Variants in MGAT4C observed in about 807,000 individuals in gnomAD.
MGAT4C encodes the protein MGAT4 family member C.
MGAT4C carries 19 observed loss-of-function variants against 40.1 expected under a neutral mutation model. The ratio of observed to expected loss-of-function variants is 0.47; its 90% CI spans 0.33 to 0.70. The LOEUF is 0.70. Among genes scored for constraint, MGAT4C ranks in the 30% least tolerant of loss-of-function variants. MGAT4C has a pLI of 0.02. For missense variants in MGAT4C, 491 were observed against 563.2 expected (o/e 0.87, Z 1.30); for synonymous variants, 181 against 187.1 (o/e 0.97, Z 0.27).
intron 1 of MGAT4C, among the ~76,000 whole-genome samples, chr12:86,209,184 T>C (rs1950366646): frequency 6.6e-6 from 1 of 152,058 alleles, no homozygotes; most frequent in African/African-American, 2.4e-5. Context: ...TATCCACCAA[T>C]ATTATACAAT....
chr12:86,506,556 C>T (rs976274172), intron 2 of MGAT4C, among the ~76,000 whole-genome samples: 1 of 152,154 alleles, frequency 6.6e-6, no homozygotes, highest in Admixed American at 6.6e-5. Flanking sequence ...AAATCCCTTA[C>T]ACTGTTATTC....
intron 3 of MGAT4C, among the ~76,000 whole-genome samples, chr12:86,361,201 T>TA (rs1225937417): frequency 6.6e-6 from 1 of 152,240 alleles, no homozygotes; most frequent in Admixed American, 6.5e-5. Flanking sequence ...AACCATCTGT[T>TA]ATTTGACAAA....
intron 2 of MGAT4C, among the ~76,000 whole-genome samples, chr12:86,024,466 G>A (rs1890070536): frequency 6.6e-6 from 1 of 151,676 alleles, no homozygotes; most frequent in Non-Finnish European, 1.5e-5. Context: ...ACAGGGTTTT[G>A]TTTCTTTCCC....
At chr12:86,196,212 G>A (rs1256290416) in intron 1 of MGAT4C, among the ~76,000 whole-genome samples, 6 of 152,184 alleles carry the variant, frequency 3.9e-5, no homozygotes, top group Non-Finnish European at 7.3e-5. Context: ...ATCATTCTCT[G>A]TAAGAGAGAG....
intron 2 of MGAT4C, among the ~76,000 whole-genome samples, chr12:86,620,186 T>C (rs1426027396): frequency 6.6e-6 from 1 of 152,170 alleles, no homozygotes; most frequent in Non-Finnish European, 1.5e-5. Context: ...AACTACCCTC[T>C]GATCTGGAAA....
chr12:86,557,732 T>C (rs925997011), intron 2 of MGAT4C, among the ~76,000 whole-genome samples: 7 of 152,280 alleles, frequency 4.6e-5, no homozygotes, highest in African/African-American at 1.7e-4. Flanking sequence ...GAAAAAGTGT[T>C]TCTCTAAGAA....
At chr12:86,788,053 T>C (rs1232074543) in intron 1 of MGAT4C, among the ~76,000 whole-genome samples, 1 of 151,890 alleles carries the variant, frequency 6.6e-6, no homozygotes, top group Non-Finnish European at 1.5e-5. Flanking sequence ...GGTAGGGAGA[T>C]TTGTTCTCTT....
At chr12:86,215,684 T>C (rs1055897185) in intron 1 of MGAT4C, among the ~76,000 whole-genome samples, 1 of 152,144 alleles carries the variant, frequency 6.6e-6, no homozygotes, top group Non-Finnish European at 1.5e-5. Flanking sequence ...AGTTCTGACG[T>C]TTTTAGCAAC....
At chr12:86,502,459 G>C (rs891780580) in intron 2 of MGAT4C, among the ~76,000 whole-genome samples, 11 of 151,866 alleles carry the variant, frequency 7.2e-5, no homozygotes, top group Admixed American at 7.2e-4. Context: ...AAAATCCATA[G>C]AGCTGCACAA....
intron 2 of MGAT4C, among the ~76,000 whole-genome samples, chr12:86,609,228 A>T (rs1302555801): frequency 2.6e-5 from 4 of 152,120 alleles, no homozygotes; most frequent in African/African-American, 9.7e-5. Context: ...ATAATCAAAG[A>T]CTCAGATTAT....
chr12:85,986,204 A>C (rs1031801169), intron 3 of MGAT4C, among the ~76,000 whole-genome samples: 3 of 152,190 alleles, frequency 2.0e-5, no homozygotes, highest in African/African-American at 7.2e-5. Flanking sequence ...AGAGTCACCT[A>C]CCTGAACAGC....
intron 2 of MGAT4C, among the ~76,000 whole-genome samples, chr12:86,548,885 GA>G (rs1454495934): frequency 1.3e-5 from 2 of 152,176 alleles, no homozygotes; most frequent in African/African-American, 4.8e-5. Flanking sequence ...AAATATGTAA[GA>G]AGGAAACTTC....
chr12:85,973,448 G>C lies in MGAT4C; in HGVS notation c.*5841C>G, dbSNP rs906468306. On this transcript the variant is annotated 3_prime_UTR_variant, in exon 5 of 5. Coordinates refer to ENST00000611864, the MANE Select transcript of MGAT4C (RefSeq NM_001351288.2). The stretch of plus-strand genomic sequence containing the variant: ...ATTATAGACTAAGGTTCTGAATATT[G>C]GTAACTCACTGTTGTTGTGCACCTT... 1.3e-5 allele frequency: 2 copies of C among 150,490 alleles called. No individual in the cohort carries two copies. The highest frequency in any genetic ancestry group is 2.4e-5 in the African/African-American group (1 of 41,238). 9.3% of individuals were successfully genotyped at this position (150,490 alleles called of 1,614,324 possible).
At chr12:86,765,080 G>A (rs1398404734) in intron 1 of MGAT4C, among the ~76,000 whole-genome samples, 1 of 152,096 alleles carries the variant, frequency 6.6e-6, no homozygotes, top group Admixed American at 6.6e-5. Flanking sequence ...GCTACAGGAA[G>A]AAATTCAAAC....
At chr12:86,756,418 G>A (rs986661460) in intron 1 of MGAT4C, among the ~76,000 whole-genome samples, 2 of 136,132 alleles carry the variant, frequency 1.5e-5, no homozygotes, top group Non-Finnish European at 3.2e-5. Flanking sequence ...TGCAACATAC[G>A]ATTTTTTTTT....
chr12:86,696,068 T>G (rs1950252338), intron 2 of MGAT4C, among the ~76,000 whole-genome samples: 1 of 151,644 alleles, frequency 6.6e-6, no homozygotes, highest in African/African-American at 2.4e-5. Flanking sequence ...AAAAATTAGC[T>G]GGGCGTGGTG....
At chr12:86,437,892 T>C (rs1369320185) in intron 2 of MGAT4C, among the ~76,000 whole-genome samples, 1 of 151,938 alleles carries the variant, frequency 6.6e-6, no homozygotes, top group Non-Finnish European at 1.5e-5. Context: ...GTTACTCATC[T>C]TTCTTCTTCT....
At chr12:86,664,703 T>G (rs1362827368) in intron 2 of MGAT4C, among the ~76,000 whole-genome samples, 1 of 152,144 alleles carries the variant, frequency 6.6e-6, no homozygotes, top group Non-Finnish European at 1.5e-5. Context: ...GTTATTAACC[T>G]AAAGAAGATT....
At chr12:86,642,286 A>G (rs780955207) in intron 2 of MGAT4C, among the ~76,000 whole-genome samples, 1 of 151,796 alleles carries the variant, frequency 6.6e-6, no homozygotes, top group Non-Finnish European at 1.5e-5. Flanking sequence ...TATGTTCCTG[A>G]TCAGTTTAAA....
Sources: allele counts gnomAD v4.1 joint callset (sites outside exome capture counted in the v4.1 genomes callset), GRCh38; gene constraint gnomAD v4.1.1; transcripts MANE v1.5; gene names NCBI Gene and HGNC (gene_info 2026-07-23, HGNC 2026-07-21).